The following TYR variants were observed in gnomAD, a reference collection of about 807,000 sequenced individuals.
The protein encoded by TYR is tyrosinase.
A neutral mutation model predicts 51.5 loss-of-function variants in TYR; 58 were observed. The observed-to-expected ratio is 1.13, with a 90% CI of 0.91 to 1.40. The LOEUF (loss-of-function observed/expected upper bound fraction) is 1.40. TYR is among the 40% of genes most tolerant of loss of function. The probability of loss-of-function intolerance (pLI) is 0.00; values close to 1 mark genes in which losing one functional copy is unlikely to be tolerated. For synonymous variants in TYR, 263 were observed against 235.2 expected (o/e 1.12, Z -1.08); for missense variants, 732 against 647.4 (o/e 1.13, Z -1.42).
At chr11:89,179,985 A>G (rs78774367) in intron 1 of TYR, among the ~76,000 whole-genome samples, 2,155 of 152,268 alleles carry the variant, frequency 0.014, 50 homozygotes, top group African/African-American at 0.05. Context: ...ATTTCCCACA[A>G]TCTGCAGTTT....
At chr11:89,217,590 C>G (rs968852525) in intron 2 of TYR, among the ~76,000 whole-genome samples, 11 of 152,248 alleles carry the variant, frequency 7.2e-5, no homozygotes, top group African/African-American at 2.6e-4. Context: ...CATTGTGCAT[C>G]CAGGAGTTAA....
rs549166220 is a variant in TYR, at chr11:89,221,598, A to G, written c.1037-6225A>G. Among the ~76,000 whole-genome samples, 29 of 152,332 alleles carry G rather than the reference A, an allele frequency of 1.9e-4. No homozygotes were observed. The South Asian group carries it at 5.6e-3, about 29-fold the overall frequency. On this transcript the variant is annotated intron_variant, in intron 2 of 4. Transcript: ENST00000263321. ...TTCAAAGTATTCAGCCATCAAATAC[A>G]GCCTCCTAAAACCATTGTGCATAAC...
At chr11:89,287,034 A>T (rs368702546) in intron 4 of TYR, among the ~76,000 whole-genome samples, 54 of 151,758 alleles carry the variant, frequency 3.6e-4, no homozygotes, top group African/African-American at 1.3e-3. Context: ...CATTTGTCAA[A>T]CTCTCAGATA....
At chr11:89,184,004 A>C (rs1943334614) in intron 1 of TYR, among the ~76,000 whole-genome samples, 1 of 152,124 alleles carries the variant, frequency 6.6e-6, no homozygotes, top group Non-Finnish European at 1.5e-5. Flanking sequence ...AACTTGCCCA[A>C]GGCCATGTAA....
chr11:89,289,750 TATA>T (rs1484604724), intron 4 of TYR, among the ~76,000 whole-genome samples: 1 of 151,976 alleles, frequency 6.6e-6, no homozygotes, highest in Non-Finnish European at 1.5e-5. Flanking sequence ...TAGATATAAT[TATA>T]ATAAATGGAC....
At chr11:89,203,919 G>T (rs1943634677) in intron 2 of TYR, among the ~76,000 whole-genome samples, 1 of 152,178 alleles carries the variant, frequency 6.6e-6, no homozygotes, top group Non-Finnish European at 1.5e-5. Context: ...GTCAGCAAAA[G>T]TTGACTGGGG....
intron 1 of TYR, among the ~76,000 whole-genome samples, chr11:89,182,460 C>T (rs1943313900): frequency 6.6e-6 from 1 of 152,008 alleles, no homozygotes; most frequent in Non-Finnish European, 1.5e-5. Context: ...CTGGTAGTTC[C>T]ATATGTATGT....
At chr11:89,219,004 C>A (rs1008823323) in intron 2 of TYR, among the ~76,000 whole-genome samples, 5 of 152,178 alleles carry the variant, frequency 3.3e-5, no homozygotes, top group African/African-American at 1.2e-4. Context: ...CCCTCACTTA[C>A]AAAGTGATAA....
rs1035331143 is a variant in TYR, at chr11:89,232,672, A to G, written c.1184+4702A>G. Among the ~76,000 whole-genome samples the G allele has an allele frequency of 3.5e-5, 5 of 142,534 alleles. No homozygotes were observed. In the East Asian group the frequency reaches 1.0e-3, roughly 29 times the overall value. The allele number at this position is 142,534 out of a possible 152,430, so 93.5% of individuals were successfully genotyped here. Reference sequence around the variant, plus strand: ...TCAGCATCATGCAATATACCTTTGTAGCTAACCTACACATGTCCCCCGATT... The same window carrying G: ...TCAGCATCATGCAATATACCTTTGTGGCTAACCTACACATGTCCCCCGATT... On this transcript the variant is annotated intron_variant, in intron 3 of 4. Coordinates refer to ENST00000263321, the MANE Select transcript of TYR (RefSeq NM_000372.5).
chr11:89,251,640 G>GC (rs1555094548), intron 3 of TYR, among the ~76,000 whole-genome samples: 2 of 151,710 alleles, frequency 1.3e-5, no homozygotes, highest in Admixed American at 1.3e-4. Context: ...TTTTGTTTCT[G>GC]TTTTTTTAGA....
intron 3 of TYR, among the ~76,000 whole-genome samples, chr11:89,229,918 C>G (rs939521113): frequency 3.9e-5 from 6 of 151,914 alleles, no homozygotes; most frequent in African/African-American, 1.5e-4. Context: ...AAAAAGATAT[C>G]CTGTATTCAT....
chr11:89,247,864 T>G (rs762415622), intron 3 of TYR, among the ~76,000 whole-genome samples: 1 of 152,116 alleles, frequency 6.6e-6, no homozygotes, highest in Non-Finnish European at 1.5e-5. Context: ...TTTACCATAA[T>G]TATTTCGAGA....
intron 3 of TYR, among the ~76,000 whole-genome samples, chr11:89,277,480 A>G (rs1944669051): frequency 6.6e-6 from 1 of 151,678 alleles, no homozygotes; most frequent in South Asian, 2.1e-4. Context: ...GGCTTCAGTT[A>G]TCAGCTAGAG....
intron 2 of TYR, among the ~76,000 whole-genome samples, chr11:89,214,522 C>T (rs1316646283): frequency 6.6e-6 from 1 of 152,140 alleles, no homozygotes; most frequent in East Asian, 1.9e-4. Flanking sequence ...CCCAGCGATC[C>T]CATTACTGGG....
chr11:89,198,145 A>G (rs1943547843), intron 2 of TYR, among the ~76,000 whole-genome samples: 1 of 152,134 alleles, frequency 6.6e-6, no homozygotes, highest in African/African-American at 2.4e-5. Flanking sequence ...CTGGAAAACT[A>G]CAATGAAGCC....
intron 3 of TYR, among the ~76,000 whole-genome samples, chr11:89,254,742 C>T (rs1944369135): frequency 6.6e-6 from 1 of 151,810 alleles, no homozygotes; most frequent in Non-Finnish European, 1.5e-5. Flanking sequence ...TGCTAATGCT[C>T]TATCAATTTT....
At chr11:89,276,872 C>T (rs1275303627) in intron 3 of TYR, among the ~76,000 whole-genome samples, 2 of 151,718 alleles carry the variant, frequency 1.3e-5, no homozygotes, top group Admixed American at 1.3e-4. Context: ...TAGCCAAGAC[C>T]CCTTGATTCC....
chr11:89,282,909 G>A (rs547985286), intron 3 of TYR, among the ~76,000 whole-genome samples: 4 of 151,762 alleles, frequency 2.6e-5, no homozygotes, highest in Non-Finnish European at 5.9e-5. Context: ...GAGAGGAGCT[G>A]TGAGAAAGAT....
intron 2 of TYR, among the ~76,000 whole-genome samples, chr11:89,215,331 T>C (rs535606791): frequency 1.6e-5 from 2 of 124,360 alleles, no homozygotes; most frequent in South Asian, 4.7e-4. Flanking sequence ...AGTTAAACAA[T>C]GAGAACACAT....
Sources: gnomAD v4.1 joint callset for allele counts (sites outside exome capture counted in the v4.1 genomes callset) on GRCh38, gnomAD v4.1.1 for gene constraint, MANE v1.5 for transcripts, NCBI Gene and HGNC (gene_info 2026-07-23, HGNC 2026-07-21) for gene names.